Variants in HS6ST3 observed in about 807,000 individuals in gnomAD.
HS6ST3 encodes heparan sulfate 6-O-sulfotransferase 3, also known as heparan-sulfate 6-O-sulfotransferase 3.
Under a neutral mutation model 36.7 loss-of-function variants are expected in HS6ST3, and 12 were observed. The observed-to-expected ratio is 0.33, with a 90% CI of 0.21 to 0.53. HS6ST3 has a LOEUF of 0.53. Ranked by LOEUF, HS6ST3 falls within the 20% of genes least tolerant of loss-of-function variation. The pLI is 0.95. For missense variants in HS6ST3, 584 were observed against 640.9 expected (o/e 0.91, Z 0.96); for synonymous variants, 240 against 257.5 (o/e 0.93, Z 0.65).
intron 1 of HS6ST3, among the ~76,000 whole-genome samples, chr13:96,634,874 T>C (rs2056543750): frequency 4.7e-5 from 1 of 21,072 alleles, no homozygotes; most frequent in African/African-American, 1.2e-4. Context: ...TTTCTACTCC[T>C]ACAAGTTTGA....
chr13:96,727,773 A>G (rs1171401450), intron 1 of HS6ST3, among the ~76,000 whole-genome samples: 2 of 152,126 alleles, frequency 1.3e-5, no homozygotes, highest in African/African-American at 4.8e-5. Flanking sequence ...ATTACTTTGT[A>G]CTTCTCTTTT....
chr13:96,310,469 G>C (rs972814179), intron 1 of HS6ST3, among the ~76,000 whole-genome samples: 3 of 152,062 alleles, frequency 2.0e-5, no homozygotes, highest in African/African-American at 7.2e-5. Context: ...CTAAAAATGG[G>C]CTGGAAAAAA....
intron 1 of HS6ST3, among the ~76,000 whole-genome samples, chr13:96,562,538 A>G (rs2138956268): frequency 6.6e-6 from 1 of 152,252 alleles, no homozygotes; most frequent in East Asian, 1.9e-4. Context: ...AATAACAATA[A>G]TATGCCGAGC....
intron 1 of HS6ST3, among the ~76,000 whole-genome samples, chr13:96,189,458 G>C (rs183319564): frequency 8.5e-5 from 13 of 152,094 alleles, no homozygotes; most frequent in South Asian, 2.1e-4. Flanking sequence ...CTTCCCTCTA[G>C]CATGGATCTA....
intron 1 of HS6ST3, among the ~76,000 whole-genome samples, chr13:96,392,650 G>A (rs1457579098): frequency 1.3e-5 from 2 of 152,200 alleles, no homozygotes; most frequent in Non-Finnish European, 2.9e-5. Context: ...TGGGTGCGCA[G>A]TCTGTGCAAA....
intron 1 of HS6ST3, among the ~76,000 whole-genome samples, chr13:96,495,989 G>A (rs865909705): frequency 5.9e-5 from 9 of 152,176 alleles, no homozygotes; most frequent in South Asian, 4.1e-4. Flanking sequence ...CCTCAACCCC[G>A]TGTTAATTGG....
At chr13:96,345,630 A>G (rs1463628841) in intron 1 of HS6ST3, among the ~76,000 whole-genome samples, 2 of 152,098 alleles carry the variant, frequency 1.3e-5, no homozygotes, top group African/African-American at 2.4e-5. Flanking sequence ...TCCCCAACCT[A>G]TTTGGCACCA....
intron 1 of HS6ST3, among the ~76,000 whole-genome samples, chr13:96,345,029 T>C (rs1045683378): frequency 6.6e-6 from 1 of 152,208 alleles, no homozygotes; most frequent in African/African-American, 2.4e-5. Flanking sequence ...AGGTTTCATA[T>C]GGAAGAAGCA....
chr13:96,828,272 G>C (rs1054063495), intron 1 of HS6ST3, among the ~76,000 whole-genome samples: 1 of 152,300 alleles, frequency 6.6e-6, no homozygotes, highest in East Asian at 1.9e-4. Context: ...GGCTTACCTA[G>C]TGGTAAGGCT....
intron 1 of HS6ST3, among the ~76,000 whole-genome samples, chr13:96,494,614 C>G (rs1029695750): frequency 6.6e-6 from 1 of 151,414 alleles, no homozygotes; most frequent in Non-Finnish European, 1.5e-5. Context: ...GGAATGTGTA[C>G]TTTCATTAAG....
intron 1 of HS6ST3, among the ~76,000 whole-genome samples, chr13:96,465,750 A>C (rs1397050144): frequency 6.6e-6 from 1 of 152,120 alleles, no homozygotes; most frequent in Non-Finnish European, 1.5e-5. Context: ...AAATGTTCTT[A>C]TGTTTTATAT....
intron 1 of HS6ST3, among the ~76,000 whole-genome samples, chr13:96,364,792 A>C (rs1191685564): frequency 4.6e-5 from 7 of 152,212 alleles, no homozygotes; most frequent in Non-Finnish European, 1.0e-4. Flanking sequence ...CACAATAAAA[A>C]TATAGGAGGG....
intron 1 of HS6ST3, among the ~76,000 whole-genome samples, chr13:96,300,679 T>A (rs1426947156): frequency 6.6e-6 from 1 of 152,218 alleles, no homozygotes; most frequent in East Asian, 1.9e-4. Flanking sequence ...GTTTTTCTTT[T>A]AATATCAAGA....
At chr13:96,208,749 T>C (rs933091296) in intron 1 of HS6ST3, among the ~76,000 whole-genome samples, 6 of 152,236 alleles carry the variant, frequency 3.9e-5, no homozygotes, top group Admixed American at 2.0e-4. Context: ...TCTTCTTTGA[T>C]ATTATTTACA....
At chr13:96,711,873 G>A (rs991770401) in intron 1 of HS6ST3, among the ~76,000 whole-genome samples, 5 of 152,150 alleles carry the variant, frequency 3.3e-5, no homozygotes, top group Admixed American at 3.3e-4. Context: ...AATCCAGATT[G>A]TGACCAACCT....
chr13:96,261,905 A>G (rs1295369261), intron 1 of HS6ST3, among the ~76,000 whole-genome samples: 1 of 152,224 alleles, frequency 6.6e-6, no homozygotes, highest in Non-Finnish European at 1.5e-5. Flanking sequence ...TGGAATCTAC[A>G]AGAACACAGG....
chr13:96,672,409 G>T (rs1198750748), intron 1 of HS6ST3, among the ~76,000 whole-genome samples: 1 of 152,150 alleles, frequency 6.6e-6, no homozygotes, highest in Non-Finnish European at 1.5e-5. Flanking sequence ...ACTCCTGTCA[G>T]TATGGTCAAA....
At chr13:96,400,308 TAC>T (rs10603063) in intron 1 of HS6ST3, among the ~76,000 whole-genome samples, 46,101 of 141,886 alleles carry the variant, frequency 0.32, 7,902 homozygotes, top group Non-Finnish European at 0.41. Context: ...GACACACAGA[TAC>T]ACACACACAC....
intron 1 of HS6ST3, among the ~76,000 whole-genome samples, chr13:96,519,047 C>T (rs2138925655): frequency 6.6e-6 from 1 of 152,212 alleles, no homozygotes; most frequent in Non-Finnish European, 1.5e-5. Flanking sequence ...TTCTATTTTA[C>T]CAATTTTTAT....
Sources: allele counts gnomAD v4.1 joint callset (sites outside exome capture counted in the v4.1 genomes callset), GRCh38; gene constraint gnomAD v4.1.1; transcripts MANE v1.5; gene names NCBI Gene and HGNC (gene_info 2026-07-23, HGNC 2026-07-21).